Variants in TRDMT1 observed in about 807,000 individuals in gnomAD.
TRDMT1 encodes the protein tRNA (cytosine(38)-C(5))-methyltransferase.
TRDMT1 carries 49 observed loss-of-function variants against 51.2 expected under a neutral mutation model. The observed-to-expected ratio is 0.96, with a 90% confidence interval of 0.76 to 1.21. The LOEUF (loss-of-function observed/expected upper bound fraction) is 1.21, where lower values mean the gene tolerates loss of function less well. Among genes scored for constraint, TRDMT1 ranks in the 50% most tolerant of loss-of-function variants. TRDMT1 has a pLI of 0.00. For synonymous variants in TRDMT1, 187 were observed against 164.6 expected (o/e 1.14, Z -1.04); for missense variants, 534 against 462.3 (o/e 1.16, Z -1.42).
intron 1 of TRDMT1, among the ~76,000 whole-genome samples, chr10:17,175,909 G>A (rs1211182021): frequency 2.0e-5 from 3 of 152,154 alleles, no homozygotes; most frequent in Admixed American, 2.0e-4. Flanking sequence ...CAGGTATCCT[G>A]CTGAAAAGTA....
rs1254423000 is a variant in TRDMT1 at position 17,146,605 on chromosome 10, A to G, written c.*2435T>C. The G allele has an allele frequency of 1.0e-6, 1 of 985,376 alleles. No individual in the cohort carries two copies. The highest frequency in any genetic ancestry group is 1.7e-5 in the African/African-American group (1 of 57,374). 61.0% of individuals were successfully genotyped at this position (985,376 alleles called of 1,614,324 possible). A position where few individuals can be genotyped will look rare whatever the true frequency, so the allele number is the denominator to read the frequency against. On this transcript the variant is annotated 3_prime_UTR_variant, in exon 11 of 11. Transcript: ENST00000377799. ...AATTATCTGGCAAGCCGTTTAAAAG[A>G]GCAGGGATGATGGGAAAAGGAGAAC...
At chr10:17,163,950 C>T (rs1205524598) in intron 3 of TRDMT1, among the ~76,000 whole-genome samples, 1 of 152,134 alleles carries the variant, frequency 6.6e-6, no homozygotes, top group East Asian at 1.9e-4. Flanking sequence ...CAAAGAGAAG[C>T]TGGTACCATT....
At chr10:17,201,527 C>T (rs1390130052) in intron 1 of TRDMT1, 44 bp downstream of exon 1, 1 of 1,535,648 alleles carries the variant, frequency 6.5e-7, no homozygotes, top group Non-Finnish European at 8.8e-7. Context: ...CTCCAACCAG[C>T]CCCCGTGAGC....
chr10:17,197,287 A>C (rs1225241491), intron 1 of TRDMT1, among the ~76,000 whole-genome samples: 1 of 152,202 alleles, frequency 6.6e-6, no homozygotes, highest in African/African-American at 2.4e-5. Flanking sequence ...AGCTAGAAAG[A>C]GTGTGGTACT....
At chr10:17,159,882 AGC>A (rs1211670647) in intron 6 of TRDMT1, among the ~76,000 whole-genome samples, 2 of 152,194 alleles carry the variant, frequency 1.3e-5, no homozygotes, top group East Asian at 3.8e-4. Context: ...ATGAAATGGA[AGC>A]AGTGTTTTCA....
At chr10:17,149,716 T>C (rs1838445497) in intron 10 of TRDMT1, among the ~76,000 whole-genome samples, 1 of 152,170 alleles carries the variant, frequency 6.6e-6, no homozygotes, top group Admixed American at 6.6e-5. Flanking sequence ...TTATATTTCA[T>C]ATAAATGGAG....
chr10:17,195,748 A>G (rs1845319907), intron 1 of TRDMT1, among the ~76,000 whole-genome samples: 1 of 152,222 alleles, frequency 6.6e-6, no homozygotes, highest in African/African-American at 2.4e-5. Flanking sequence ...AATTCATCTT[A>G]CGTATTTCTT....
At chr10:17,162,328 A>G in intron 3 of TRDMT1, 91 bp from the exon 4 acceptor site, 1 of 1,227,730 alleles carries the variant, frequency 8.1e-7, no homozygotes, top group South Asian at 1.4e-5. Flanking sequence ...TTTTAAGTCA[A>G]AAGGAGAATA....
chr10:17,188,852 G>A (rs891526998), intron 1 of TRDMT1, among the ~76,000 whole-genome samples: 5 of 152,126 alleles, frequency 3.3e-5, no homozygotes, highest in Admixed American at 6.6e-5. Context: ...ATCACCTACT[G>A]TATTGCTTTA....
intron 1 of TRDMT1, among the ~76,000 whole-genome samples, chr10:17,181,830 G>C (rs1490499276): frequency 6.6e-6 from 1 of 152,150 alleles, no homozygotes; most frequent in Non-Finnish European, 1.5e-5. Flanking sequence ...ACTCTACTGA[G>C]GATACAAAAT....
At chr10:17,160,082 C>G (rs1000856415) in intron 6 of TRDMT1, among the ~76,000 whole-genome samples, 2 of 152,054 alleles carry the variant, frequency 1.3e-5, no homozygotes, top group Admixed American at 6.6e-5. Flanking sequence ...GAAATATAGT[C>G]TCTCTTTCAA....
Position 17,140,738 on chromosome 10 carries a change from A to AAAAG in TRDMT1, c.*8298_*8301dup, listed in dbSNP as rs1837608202. 6.8e-5 allele frequency among the ~76,000 whole-genome samples: 1 copy of AAAAG among 14,778 alleles called. No individual in the cohort carries two copies. Among genetic ancestry groups the AAAAG allele is most frequent in the Admixed American group, 2.4e-4 (1 of 4,196 alleles). The allele number at this position is 14,778 out of a possible 152,430, so 9.7% of individuals were successfully genotyped here. On this transcript the variant is annotated 3_prime_UTR_variant, in exon 11 of 11. Transcript: ENST00000377799. ...ACATTGATGAAAACAAAAACAACAA[A>AAAAG]AAAGATCACATTCAATTGAAAAATA...
In TRDMT1 at chr10:17,144,939, T is replaced by C. The variant is rs369056224; in HGVS notation, c.*4101A>G. 1.0e-6 allele frequency: 1 copy of C among 985,226 alleles called. No individual in the cohort carries two copies. Among genetic ancestry groups the C allele is most frequent in the Non-Finnish European group, 1.2e-6 (1 of 829,916 alleles). The allele number at this position is 985,226 out of a possible 1,614,324, so 61.0% of individuals were successfully genotyped here. ...TAAAGAACATGTGCAAGATGCTTAATGCCTTTTTAAAAAACATGCAAAGGG... is the reference window on the plus strand; with the variant it reads ...TAAAGAACATGTGCAAGATGCTTAACGCCTTTTTAAAAAACATGCAAAGGG... On this transcript the variant is annotated 3_prime_UTR_variant, in exon 11 of 11. Coordinates refer to ENST00000377799, the MANE Select transcript of TRDMT1 (RefSeq NM_004412.7).
At position 17,148,360 on chromosome 10, in the gene TRDMT1, GA is replaced by G; in HGVS notation, c.*679del. The G allele has an allele frequency of 2.0e-6, 2 of 985,382 alleles. No individual in the cohort carries two copies. The highest frequency in any genetic ancestry group is 9.4e-5 in the South Asian group (2 of 21,284). The allele number at this position is 985,382 out of a possible 1,614,324, so 61.0% of individuals were successfully genotyped here. On this transcript the variant is annotated 3_prime_UTR_variant, in exon 11 of 11. Transcript: ENST00000377799. The stretch of plus-strand genomic sequence containing the variant: ...AAGCTTTGATAATAGTCAACTAAAG[GA>G]AAGTACATACAAAATGAAGAAGGAA...
At position 17,148,315 on chromosome 10, in the gene TRDMT1, GAAGCTGAGAAGACAAAAAC is replaced by G; in HGVS notation, c.*706_*724del. On this transcript the variant is annotated 3_prime_UTR_variant, in exon 11 of 11. Transcript: ENST00000377799. ...AGCGTGCAAAGGCAAATTCAACTCA[GAAGCTGAGAAGACAAAAAC>G]AAGCTTTGATAATAGTCAACTAAAG... 1 of 985,406 alleles carries G rather than the reference GAAGCTGAGAAGACAAAAAC, an allele frequency of 1.0e-6. No homozygotes were observed. The highest frequency in any genetic ancestry group is 6.1e-5 in the Admixed American group (1 of 16,280). The allele number at this position is 985,406 out of a possible 1,614,324, so 61.0% of individuals were successfully genotyped here.
At chr10:17,172,460 C>G (rs1026637785) in intron 2 of TRDMT1, among the ~76,000 whole-genome samples, 2 of 151,962 alleles carry the variant, frequency 1.3e-5, no homozygotes, top group African/African-American at 4.8e-5. Flanking sequence ...GAGTTTGAGA[C>G]CAGCCTGGGC....
At position 17,138,916 on chromosome 10, in the gene TRDMT1, T is replaced by G. The variant is rs563098123; in HGVS notation, c.*10124A>C. ...GTATACACACGTGTGCACACACAGC[T>G]TCCTAATTGTAACTCAAGCAAATGT... On this transcript the variant is annotated 3_prime_UTR_variant, in exon 11 of 11. Transcript: ENST00000377799. Among the ~76,000 whole-genome samples the G allele has an allele frequency of 1.5e-3, 222 of 152,290 alleles. 1 individual carries two copies. Among genetic ancestry groups the G allele is most frequent in the African/African-American group, 5.2e-3 (215 of 41,560 alleles).
chr10:17,162,568 C>T (rs972414061), intron 3 of TRDMT1, among the ~76,000 whole-genome samples: 3 of 151,964 alleles, frequency 2.0e-5, no homozygotes, highest in Non-Finnish European at 4.4e-5. Context: ...TTAGGCCGAG[C>T]GTGGTGGCTC....
At chr10:17,179,381 C>A (rs1842998651) in intron 1 of TRDMT1, among the ~76,000 whole-genome samples, 1 of 152,086 alleles carries the variant, frequency 6.6e-6, no homozygotes, top group Admixed American at 6.6e-5. Context: ...CCTGAGGATG[C>A]AGGGACCTCA....
Sources: gnomAD v4.1 joint callset for allele counts (sites outside exome capture counted in the v4.1 genomes callset) on GRCh38, gnomAD v4.1.1 for gene constraint, MANE v1.5 for transcripts, NCBI Gene and HGNC (gene_info 2026-07-23, HGNC 2026-07-21) for gene names.